Variants in RPS6KC1 observed in about 807,000 individuals in gnomAD.
The protein encoded by RPS6KC1 is ribosomal protein S6 kinase C1.
A neutral mutation model predicts 103.8 loss-of-function variants in RPS6KC1; 54 were observed. That is an observed-to-expected ratio of 0.52 (90% CI 0.42 to 0.65). The LOEUF is 0.65. Ranked by LOEUF, RPS6KC1 falls within the 30% of genes least tolerant of loss-of-function variation. The probability of loss-of-function intolerance (pLI) is 0.00; values close to 1 mark genes in which losing one functional copy is unlikely to be tolerated. For missense variants in RPS6KC1, 1,151 were observed against 1,253.8 expected (o/e 0.92, Z 1.24); for synonymous variants, 439 against 438.7 (o/e 1.00, Z -0.01).
At chr1:213,485,462 G>T in the RPS6KC1 span, among the ~76,000 whole-genome samples, 13 of 151,964 alleles carry the variant, frequency 8.6e-5, no homozygotes, top group Non-Finnish European at 1.2e-4. Flanking sequence ...GGATATTGAT[G>T]GGACACCAAA....
intron 6 of RPS6KC1, among the ~76,000 whole-genome samples, chr1:213,151,967 G>T (rs1456826734): frequency 1.1e-4 from 14 of 122,718 alleles, no homozygotes; most frequent in Admixed American, 3.0e-4. Flanking sequence ...GCGGCTGGCC[G>T]GGCAGAGGGG....
At chr1:213,116,253 T>C (rs866890656) in intron 4 of RPS6KC1, among the ~76,000 whole-genome samples, 1 of 151,836 alleles carries the variant, frequency 6.6e-6, no homozygotes, top group African/African-American at 2.4e-5. Context: ...TGGGTGCATA[T>C]ATATTTAGGA....
chr1:213,282,035 TGA>T, the RPS6KC1 span, among the ~76,000 whole-genome samples: 8 of 152,218 alleles, frequency 5.3e-5, no homozygotes, highest in Non-Finnish European at 1.0e-4. Flanking sequence ...CTAGCCAGAC[TGA>T]GAACATGGTT....
At chr1:213,807,308 T>C in the RPS6KC1 span, among the ~76,000 whole-genome samples, 4 of 152,214 alleles carry the variant, frequency 2.6e-5, no homozygotes, top group African/African-American at 9.7e-5. Flanking sequence ...CTGTATTTCC[T>C]GAATCTGCAT....
At chr1:213,717,900 G>A in the RPS6KC1 span, among the ~76,000 whole-genome samples, 1 of 152,100 alleles carries the variant, frequency 6.6e-6, no homozygotes, top group Non-Finnish European at 1.5e-5. Context: ...TAGGTCAATG[G>A]TCATACAGAT....
chr1:213,575,583 T>C, the RPS6KC1 span, among the ~76,000 whole-genome samples: 3 of 152,200 alleles, frequency 2.0e-5, no homozygotes, highest in Admixed American at 1.3e-4. Context: ...GAAGGATGTG[T>C]TTGCTTCCCC....
At chr1:213,175,519 T>C (rs2091807649) in intron 7 of RPS6KC1, among the ~76,000 whole-genome samples, 1 of 152,214 alleles carries the variant, frequency 6.6e-6, no homozygotes, top group African/African-American at 2.4e-5. Flanking sequence ...ACAGGATCAA[T>C]GTAGCAGTAC....
At chr1:213,399,167 G>A in the RPS6KC1 span, among the ~76,000 whole-genome samples, 1 of 152,336 alleles carries the variant, frequency 6.6e-6, no homozygotes, top group East Asian at 1.9e-4. Flanking sequence ...TATGCATGAA[G>A]CCCTGGTTAT....
chr1:213,628,066 G>A, the RPS6KC1 span, among the ~76,000 whole-genome samples: 1 of 152,082 alleles, frequency 6.6e-6, no homozygotes, highest in Non-Finnish European at 1.5e-5. Flanking sequence ...ACTTTTTTTG[G>A]TTGGTAAGCT....
the RPS6KC1 span, among the ~76,000 whole-genome samples, chr1:213,393,477 C>T: frequency 6.9e-4 from 105 of 152,198 alleles, no homozygotes; most frequent in Non-Finnish European, 8.5e-4. Flanking sequence ...TAATGTATCA[C>T]CATCCTGCAT....
chr1:213,304,031 C>T, the RPS6KC1 span, among the ~76,000 whole-genome samples: 1 of 150,882 alleles, frequency 6.6e-6, no homozygotes, highest in African/African-American at 2.4e-5. Flanking sequence ...CGGTGAAACC[C>T]CGTCTCTACT....
the RPS6KC1 span, among the ~76,000 whole-genome samples, chr1:213,629,727 A>G: frequency 0.14 from 21,905 of 152,012 alleles, 2,520 homozygotes; most frequent in African/African-American, 0.32. Context: ...GGTACCGGTT[A>G]TTCCTTTTCA....
chr1:213,479,067 A>G, the RPS6KC1 span, among the ~76,000 whole-genome samples: 6 of 152,120 alleles, frequency 3.9e-5, 1 homozygote, highest in Admixed American at 6.6e-5. Flanking sequence ...TAAAAATTCT[A>G]TGCCTGATAA....
chr1:213,854,554 TTCTTTCTTTC>T, the RPS6KC1 span, among the ~76,000 whole-genome samples: 573 of 108,420 alleles, frequency 5.3e-3, 3 homozygotes, highest in African/African-American at 9.1e-3. Flanking sequence ...CTTTCTTTCT[TTCTTTCTTTC>T]TCTCTCTCTC....
At chr1:213,725,954 C>T in the RPS6KC1 span, among the ~76,000 whole-genome samples, 6 of 152,078 alleles carry the variant, frequency 3.9e-5, no homozygotes, top group Admixed American at 1.3e-4. Context: ...TAAATTGGAA[C>T]GGATCATTTT....
the RPS6KC1 span, among the ~76,000 whole-genome samples, chr1:213,461,047 C>G: frequency 6.6e-6 from 1 of 152,148 alleles, no homozygotes; most frequent in Non-Finnish European, 1.5e-5. Flanking sequence ...CCCATCGTCT[C>G]AGCCCAAAAT....
chr1:213,138,608 G>A (rs969856061), intron 6 of RPS6KC1, among the ~76,000 whole-genome samples: 6 of 152,172 alleles, frequency 3.9e-5, no homozygotes, highest in Admixed American at 2.0e-4. Flanking sequence ...AACATGCAGT[G>A]TTTGGTTTTC....
chr1:213,108,315 C>A (rs190493795), intron 4 of RPS6KC1, among the ~76,000 whole-genome samples: 68 of 152,186 alleles, frequency 4.5e-4, no homozygotes, highest in African/African-American at 1.6e-3. Context: ...GTGTGTATAT[C>A]TAATATTCTG....
the RPS6KC1 span, among the ~76,000 whole-genome samples, chr1:213,637,571 A>T: frequency 1.6e-5 from 1 of 63,472 alleles, no homozygotes; most frequent in Non-Finnish European, 5.0e-5. Flanking sequence ...ATAATAATTA[A>T]AAAAATTAGC....
Sources: gnomAD v4.1 joint callset for allele counts (sites outside exome capture counted in the v4.1 genomes callset) on GRCh38, gnomAD v4.1.1 for gene constraint, MANE v1.5 for transcripts, NCBI Gene and HGNC (gene_info 2026-07-23, HGNC 2026-07-21) for gene names.